Variants in FAM219A observed in about 807,000 individuals in gnomAD.
FAM219A encodes the protein family with sequence similarity 219 member A.
In FAM219A, 7 loss-of-function variants were observed where a neutral mutation model predicts 23.4. The observed-to-expected ratio is 0.30, with a 90% CI of 0.17 to 0.56. FAM219A has a LOEUF of 0.56. Ranked by LOEUF, FAM219A falls within the 20% of genes least tolerant of loss-of-function variation. The pLI is 0.92. For synonymous variants in FAM219A, 93 were observed against 99.0 expected, an observed-to-expected ratio of 0.94 and a Z score of 0.36; for missense variants, 166 against 246.9, an observed-to-expected ratio of 0.67 and a Z score of 2.20.
rs1287313276 is a variant in FAM219A at position 34,402,937 on chromosome 9, A to C, written c.161-130T>G. The C allele has an allele frequency of 4.1e-6, 3 of 723,684 alleles. No individual in the cohort carries two copies. In the African/African-American group the frequency reaches 5.3e-5, roughly 13 times the overall value. 44.8% of individuals were successfully genotyped at this position (723,684 alleles called of 1,614,324 possible). A position where few individuals can be genotyped will look rare whatever the true frequency, so the allele number is the denominator to read the frequency against. ...CTAGAAGGACTGAGGCAGGGATCCC[A>C]ACTCCAGGCCCCTGCTGCTTGGTGG... On this transcript the variant is annotated intron_variant, in intron 2 of 5. Coordinates refer to ENST00000651358, the MANE Select transcript of FAM219A (RefSeq NM_001184940.2).
Position 34,398,522 on chromosome 9 carries a change from T to G in FAM219A, c.*2442A>C. The G allele has an allele frequency of 1.4e-6, 1 of 728,250 alleles. No homozygotes were observed. Among genetic ancestry groups the G allele is most frequent in the Non-Finnish European group, 2.3e-6 (1 of 442,368 alleles). The allele number at this position is 728,250 out of a possible 1,614,324, so 45.1% of individuals were successfully genotyped here. A position where few individuals can be genotyped will look rare whatever the true frequency, so the allele number is the denominator to read the frequency against. ...TGCCACTGCCAGCTTCCTGCCTCTC[T>G]CTGCCACACATGCACTGCCTCAGTT... On this transcript the variant is annotated 3_prime_UTR_variant, in exon 6 of 6. Coordinates refer to ENST00000651358, the MANE Select transcript of FAM219A (RefSeq NM_001184940.2).
chr9:34,411,359 G>A (rs552732110), intron 1 of FAM219A, among the ~76,000 whole-genome samples: 34 of 151,980 alleles, frequency 2.2e-4, no homozygotes, highest in African/African-American at 8.0e-4. Flanking sequence ...TCCAGTCTGC[G>A]CAACATATTG....
intron 1 of FAM219A, among the ~76,000 whole-genome samples, chr9:34,415,069 G>A (rs1821949304): frequency 6.6e-6 from 1 of 151,946 alleles, no homozygotes; most frequent in Admixed American, 6.6e-5. Context: ...TCCTGCCTTA[G>A]CCCCCTGAGT....
chr9:34,444,598 C>G (rs920584452), intron 1 of FAM219A, among the ~76,000 whole-genome samples: 2 of 152,152 alleles, frequency 1.3e-5, no homozygotes, highest in Non-Finnish European at 2.9e-5. Context: ...TTCTACGTCC[C>G]TTACTTCTGA....
intron 1 of FAM219A, among the ~76,000 whole-genome samples, chr9:34,451,347 A>G (rs10972121): frequency 2.0e-5 from 3 of 152,062 alleles, no homozygotes; most frequent in Non-Finnish European, 4.4e-5. Flanking sequence ...ATCAGAGCCT[A>G]TTTAAGAAAC....
chr9:34,406,160 C>T (rs553928937), intron 1 of FAM219A, among the ~76,000 whole-genome samples, 196 bp from the exon 2 acceptor site: 30 of 152,304 alleles, frequency 2.0e-4, no homozygotes, highest in African/African-American at 6.0e-4. Flanking sequence ...GGTAGAAGAA[C>T]CAAGGATCTG....
intron 1 of FAM219A, among the ~76,000 whole-genome samples, chr9:34,445,889 G>A (rs1422527166): frequency 6.6e-6 from 1 of 152,116 alleles, no homozygotes; most frequent in Non-Finnish European, 1.5e-5. Flanking sequence ...AGGAATTAAA[G>A]ATAGGCTGGG....
At chr9:34,450,333 A>G (rs1823520802) in intron 1 of FAM219A, among the ~76,000 whole-genome samples, 1 of 151,856 alleles carries the variant, frequency 6.6e-6, no homozygotes, top group East Asian at 1.9e-4. Context: ...AGTGGGGGGA[A>G]CTATAATTTA....
intron 2 of FAM219A, among the ~76,000 whole-genome samples, chr9:34,404,119 A>C (rs930193179): frequency 6.6e-6 from 1 of 152,228 alleles, no homozygotes; most frequent in African/African-American, 2.4e-5. Flanking sequence ...AAATTGTTTG[A>C]AATAGTGGGA....
rs150649675 is a variant in FAM219A at position 34,417,687 on chromosome 9, G to C, written c.61-11723C>G. On this transcript the variant is annotated intron_variant, in intron 1 of 5. Transcript: ENST00000651358. This position sits in a 1 kb window ranked among gnomAD's most constrained non-coding sequence, Gnocchi z 4.1. ...GGTTTTTAATGCTTTATTTTTCACT[G>C]TGTGCCAGGGAATTTCAGGTCATCA... Among the ~76,000 whole-genome samples, 428 of 152,242 alleles carry C rather than the reference G, an allele frequency of 2.8e-3. 2 individuals are homozygous for C. The highest frequency in any genetic ancestry group is 9.9e-3 in the African/African-American group (412 of 41,532).
At chr9:34,420,308 A>C (rs1287088815) in intron 1 of FAM219A, among the ~76,000 whole-genome samples, 1 of 152,196 alleles carries the variant, frequency 6.6e-6, no homozygotes, top group Non-Finnish European at 1.5e-5. Flanking sequence ...CACAGAGGAG[A>C]GCGATAATGG....
intron 1 of FAM219A, among the ~76,000 whole-genome samples, chr9:34,438,883 C>T (rs1303956202): frequency 6.6e-6 from 1 of 152,238 alleles, no homozygotes; most frequent in Non-Finnish European, 1.5e-5. Context: ...ACTGTGGAAG[C>T]TTTGTTCTTT....
intron 4 of FAM219A, chr9:34,402,180 G>T: frequency 6.7e-7 from 1 of 1,500,500 alleles, no homozygotes; most frequent in South Asian, 1.3e-5. Flanking sequence ...AGACAACGCA[G>T]GCCCCCCTTT....
At chr9:34,418,315 T>C (rs1472938297) in intron 1 of FAM219A, among the ~76,000 whole-genome samples, 1 of 152,168 alleles carries the variant, frequency 6.6e-6, no homozygotes, top group Non-Finnish European at 1.5e-5. Flanking sequence ...AAGACTGATG[T>C]CTTAGACTGA....
At chr9:34,433,097 G>T (rs1430141125) in intron 1 of FAM219A, among the ~76,000 whole-genome samples, 1 of 152,170 alleles carries the variant, frequency 6.6e-6, no homozygotes. Context: ...CCTTCTGAAA[G>T]AAATATTTGT....
At chr9:34,437,297 G>A (rs1251383801) in intron 1 of FAM219A, among the ~76,000 whole-genome samples, 4 of 152,156 alleles carry the variant, frequency 2.6e-5, no homozygotes, top group Admixed American at 6.5e-5. Flanking sequence ...AGGACACTAC[G>A]TTATGATCTG....
chr9:34,426,529 T>C (rs1822481236), intron 1 of FAM219A, among the ~76,000 whole-genome samples: 1 of 152,210 alleles, frequency 6.6e-6, no homozygotes, highest in Admixed American at 6.5e-5. Context: ...GCTGATGTTA[T>C]CGGCCTCACA....
rs182442533 is a variant in FAM219A, at chr9:34,412,733, T to G, written c.61-6769A>C. On this transcript the variant is annotated intron_variant, in intron 1 of 5. Coordinates refer to ENST00000651358, the MANE Select transcript of FAM219A (RefSeq NM_001184940.2). ...GAACCATTCAAGTAGAGTTTCAAGG[T>G]GGAAGAAATCAACAGTGTCAAATAA... 4.5e-4 allele frequency among the ~76,000 whole-genome samples: 69 copies of G among 151,890 alleles called. No individual in the cohort carries two copies. The East Asian group carries it at 0.012, about 27-fold the overall frequency.
chr9:34,409,589 A>G (rs144337686), intron 1 of FAM219A, among the ~76,000 whole-genome samples: 10 of 152,364 alleles, frequency 6.6e-5, no homozygotes, highest in African/African-American at 2.2e-4. Context: ...TGAAGACTAC[A>G]GAGATGATTA....
Sources: gnomAD v4.1 joint callset for allele counts (sites outside exome capture counted in the v4.1 genomes callset) on GRCh38, gnomAD v4.1.1 for gene constraint, Gnocchi (gnomAD v3.1) non-coding constraint, MANE v1.5 for transcripts, NCBI Gene and HGNC (gene_info 2026-07-23, HGNC 2026-07-21) for gene names.